The following IGBP1C variants were observed in gnomAD, a reference collection of about 807,000 sequenced individuals.
The protein encoded by IGBP1C is IGBP1 family member C, also known as immunoglobulin-binding protein 1 family member C.
chr17:58,678,061 A>G, the IGBP1C span, among the ~76,000 whole-genome samples: 1 of 152,116 alleles, frequency 6.6e-6, no homozygotes, highest in Non-Finnish European at 1.5e-5. Flanking sequence ...GAGGCAGGAG[A>G]ATTGCTTGAA....
chr17:58,680,729 C>G, the IGBP1C span, among the ~76,000 whole-genome samples: 1 of 152,174 alleles, frequency 6.6e-6, no homozygotes, highest in Non-Finnish European at 1.5e-5. Flanking sequence ...GAGCAAGACT[C>G]TGTCTCAAAA....
At chr17:58,666,701 G>C in the IGBP1C span, 1 of 152,132 alleles carries the variant, frequency 6.6e-6, no homozygotes, top group African/African-American at 2.4e-5. Flanking sequence ...TAATTATGAG[G>C]TACTTGCGTG....
the IGBP1C span, among the ~76,000 whole-genome samples, chr17:58,673,821 C>G: frequency 6.6e-6 from 1 of 152,116 alleles, no homozygotes; most frequent in Non-Finnish European, 1.5e-5. Context: ...GATCCTCCCA[C>G]CCTCCCAAAG....
the IGBP1C span, among the ~76,000 whole-genome samples, chr17:58,666,162 GT>G: frequency 6.6e-6 from 1 of 151,954 alleles, no homozygotes; most frequent in African/African-American, 2.4e-5. Flanking sequence ...TGCCAACATG[GT>G]AAGACGCCAT....
At chr17:58,661,899 A>G in the IGBP1C span, 1 of 258,992 alleles carries the variant, frequency 3.9e-6, no homozygotes, top group Admixed American at 5.2e-5. Flanking sequence ...TGAATAAGAG[A>G]ATGCATGTAA....
At chr17:58,672,267 A>G in the IGBP1C span, among the ~76,000 whole-genome samples, 94,683 of 151,968 alleles carry the variant, frequency 0.62, 29,909 homozygotes, top group African/African-American at 0.71. Context: ...TGCTCCTTCC[A>G]GGGGGTTGGA....
the IGBP1C span, among the ~76,000 whole-genome samples, chr17:58,667,293 C>T: frequency 6.6e-6 from 1 of 152,176 alleles, no homozygotes; most frequent in Non-Finnish European, 1.5e-5. Flanking sequence ...CAATGCAAGA[C>T]TTTCGATGAG....
chr17:58,662,365 G>C, the IGBP1C span, among the ~76,000 whole-genome samples: 2 of 151,102 alleles, frequency 1.3e-5, no homozygotes, highest in Admixed American at 6.6e-5. Flanking sequence ...CAGGAGAATT[G>C]CTTGTACATA....
the IGBP1C span, among the ~76,000 whole-genome samples, chr17:58,664,985 G>A: frequency 6.6e-6 from 1 of 152,118 alleles, no homozygotes; most frequent in South Asian, 2.1e-4. Flanking sequence ...GCAGGGAAGT[G>A]CATTCCAGGA....
the IGBP1C span, chr17:58,661,346 G>T: frequency 2.2e-6 from 2 of 904,452 alleles, no homozygotes; most frequent in East Asian, 2.4e-5. Flanking sequence ...TCCTTGAAAC[G>T]CTGGCACCAT....
At chr17:58,664,205 A>G in the IGBP1C span, among the ~76,000 whole-genome samples, 1 of 152,180 alleles carries the variant, frequency 6.6e-6, no homozygotes, top group Non-Finnish European at 1.5e-5. Flanking sequence ...ATTTTATTCC[A>G]GAAGGTTTGA....
chr17:58,681,789 G>A, the IGBP1C span, among the ~76,000 whole-genome samples: 2 of 151,950 alleles, frequency 1.3e-5, no homozygotes, highest in Admixed American at 6.6e-5. Context: ...GTTGCAGTGA[G>A]CTAAGATCAT....
chr17:58,681,824 C>T, the IGBP1C span, among the ~76,000 whole-genome samples: 1 of 151,224 alleles, frequency 6.6e-6, no homozygotes, highest in African/African-American at 2.4e-5. Context: ...GCCTGGGTGA[C>T]AGCAGGAAAC....
At chr17:58,689,579 T>A in the IGBP1C span, among the ~76,000 whole-genome samples, 1 of 152,196 alleles carries the variant, frequency 6.6e-6, no homozygotes, top group African/African-American at 2.4e-5. Flanking sequence ...TTATCCACAC[T>A]ACACAGATGT....
chr17:58,668,383 T>C, the IGBP1C span, among the ~76,000 whole-genome samples: 1 of 152,204 alleles, frequency 6.6e-6, no homozygotes, highest in Admixed American at 6.6e-5. Flanking sequence ...CCTCTTCTAC[T>C]GATGTGCCTG....
the IGBP1C span, among the ~76,000 whole-genome samples, chr17:58,684,630 CAAATAAATAAAT>C: frequency 0.042 from 5,963 of 140,386 alleles, 151 homozygotes; most frequent in Non-Finnish European, 0.055. Flanking sequence ...GACCCTGTCT[CAAATAAATAAAT>C]AAATAAATAA....
At chr17:58,675,971 G>T in the IGBP1C span, among the ~76,000 whole-genome samples, 1 of 152,138 alleles carries the variant, frequency 6.6e-6, no homozygotes, top group African/African-American at 2.4e-5. Flanking sequence ...AGGTGCCGTG[G>T]CTCACACATG....
chr17:58,674,485 C>T, the IGBP1C span, among the ~76,000 whole-genome samples: 4 of 151,984 alleles, frequency 2.6e-5, no homozygotes, highest in African/African-American at 4.8e-5. Context: ...GCCTGGCCAA[C>T]GTGGCGAAAC....
At chr17:58,689,068 C>G in the IGBP1C span, among the ~76,000 whole-genome samples, 1 of 151,874 alleles carries the variant, frequency 6.6e-6, no homozygotes, top group Admixed American at 6.6e-5. Context: ...GTAGCTGGGA[C>G]TACAGGTGCC....
Sources: allele counts gnomAD v4.1 joint callset (sites outside exome capture counted in the v4.1 genomes callset), GRCh38; gene constraint gnomAD v4.1.1; transcripts MANE v1.5; gene names NCBI Gene and HGNC (gene_info 2026-07-23, HGNC 2026-07-21).